TSBP1: variants seen among roughly 807,000 people sequenced by gnomAD.
TSBP1 encodes testis-expressed basic protein 1.
A neutral mutation model predicts 68.8 loss-of-function variants in TSBP1; 56 were observed. The ratio of observed to expected loss-of-function variants is 0.81; its 90% CI spans 0.66 to 1.02. The LOEUF is 1.02. Among genes scored for constraint, TSBP1 ranks in the 50% least tolerant of loss-of-function variants. The pLI, the probability that TSBP1 is intolerant of heterozygous loss-of-function variation, is 0.00. For synonymous variants in TSBP1, 171 were observed against 208.7 expected, an observed-to-expected ratio of 0.82 and a Z score of 1.56; for missense variants, 502 against 641.2, an observed-to-expected ratio of 0.78 and a Z score of 2.34.
rs1554185882 is a variant in TSBP1 at position 32,301,962 on chromosome 6, C to CATAATAATAATAATA, written c.601+646_601+647insTATTATTATTATTAT. 1.4e-4 allele frequency among the ~76,000 whole-genome samples: 19 copies of CATAATAATAATAATA among 135,454 alleles called. 1 individual carries two copies. The highest frequency in any genetic ancestry group is 3.3e-4 in the African/African-American group (11 of 33,640). 88.9% of individuals were successfully genotyped at this position (135,454 alleles called of 152,430 possible). ...TTTTACATATTTAAATAGTTGAAAT[C>CATAATAATAATAATA]ATCATCATAATAATAATAATAATAA... On this transcript the variant is annotated intron_variant, in intron 20 of 22. Coordinates refer to ENST00000612031, the Ensembl canonical transcript of TSBP1.
chr6:32,326,924 G>A (rs1484935782), intron 16 of TSBP1, among the ~76,000 whole-genome samples: 2 of 152,148 alleles, frequency 1.3e-5, no homozygotes, highest in Non-Finnish European at 2.9e-5. Flanking sequence ...GGTTACTGCT[G>A]GAAATCCTGC....
intron 4 of TSBP1, 107 bp downstream of exon 4, chr6:32,367,818 G>T (rs1773935694): frequency 2.5e-6 from 2 of 799,530 alleles, no homozygotes; most frequent in South Asian, 1.9e-5. Context: ...TTATAAAAAC[G>T]AAAGATATGC....
intron 14 of TSBP1, among the ~76,000 whole-genome samples, chr6:32,334,665 G>A (rs1001353190): frequency 3.3e-5 from 5 of 152,166 alleles, no homozygotes; most frequent in Admixed American, 2.6e-4. Flanking sequence ...ATCACTCAAA[G>A]AATGTGACTA....
chr6:32,324,398 T>G, intron 16 of TSBP1: 1 of 631,818 alleles, frequency 1.6e-6, no homozygotes, highest in Non-Finnish European at 2.9e-6. Context: ...TTGTAAAATT[T>G]TTTTCTCTGC....
chr6:32,343,195 G>C lies in TSBP1; in HGVS notation c.350-3557C>G, dbSNP rs1391523863. Reference sequence around the variant, plus strand: ...GGGAGAAGTCCTCTGCCTAGCATAGGAGCCCAACAACACCAGAGTTTGAAA... The same window carrying C: ...GGGAGAAGTCCTCTGCCTAGCATAGCAGCCCAACAACACCAGAGTTTGAAA... On this transcript the variant is annotated intron_variant, in intron 9 of 22. Coordinates refer to ENST00000612031, the Ensembl canonical transcript of TSBP1. The surrounding 1 kb of genome is among the most constrained non-coding windows in gnomAD (Gnocchi z 4.3). 7.9e-7 allele frequency: 1 copy of C among 1,267,894 alleles called. No individual in the cohort carries two copies. Among genetic ancestry groups the C allele is most frequent in the Non-Finnish European group, 1.0e-6 (1 of 971,304 alleles). 78.5% of individuals were successfully genotyped at this position (1,267,894 alleles called of 1,614,324 possible).
chr6:32,320,822 T>A (rs180870147), intron 18 of TSBP1, among the ~76,000 whole-genome samples: 1 of 152,284 alleles, frequency 6.6e-6, no homozygotes, highest in Admixed American at 6.5e-5. Context: ...TTTTTCCTGA[T>A]CCTCTCCCGC....
intron 8 of TSBP1, among the ~76,000 whole-genome samples, chr6:32,354,337 T>C (rs1186226775): frequency 6.6e-6 from 1 of 152,014 alleles, no homozygotes; most frequent in Non-Finnish European, 1.5e-5. Flanking sequence ...AGATACTCAA[T>C]TTCAGGAGTG....
chr6:32,293,591 A>G (rs1764386693), exon 23 of TSBP1: 1 of 1,612,156 alleles, frequency 6.2e-7, no homozygotes, highest in Non-Finnish European at 8.5e-7. Context: ...CTGTCCTTTC[A>G]GTACAACCAA....
chr6:32,319,100 T>G (rs1358498504), intron 18 of TSBP1, among the ~76,000 whole-genome samples: 1 of 152,172 alleles, frequency 6.6e-6, no homozygotes, highest in Non-Finnish European at 1.5e-5. Flanking sequence ...TATGCAAAAC[T>G]GAACTCACAA....
Position 32,365,493 on chromosome 6 carries a change from T to A in TSBP1, c.217+674A>T, listed in dbSNP as rs760181162. On this transcript the variant is annotated intron_variant, in intron 6 of 22. Transcript: ENST00000612031. This position sits in a 1 kb window ranked among gnomAD's most constrained non-coding sequence, Gnocchi z 4.3. ...CAGGCTTTCTGATGAGGCTTTCTGA[T>A]GAGTGGGTTCTGCAGTCTCTTTTCC... 1 of 456,714 alleles carries A rather than the reference T, an allele frequency of 2.2e-6. No homozygotes were observed. Among genetic ancestry groups the A allele is most frequent in the Non-Finnish European group, 4.4e-6 (1 of 226,970 alleles). The allele number at this position is 456,714 out of a possible 1,614,324, so 28.3% of individuals were successfully genotyped here. A position where few individuals can be genotyped will look rare whatever the true frequency, so the allele number is the denominator to read the frequency against.
At chr6:32,310,749 A>ATG (rs1282031190) in intron 19 of TSBP1, among the ~76,000 whole-genome samples, 6 of 137,812 alleles carry the variant, frequency 4.4e-5, no homozygotes, top group African/African-American at 1.6e-4. Context: ...ATATACATAT[A>ATG]TATATATATA....
In TSBP1 at chr6:32,338,839, A is replaced by C. The variant is rs1769978494; in HGVS notation, c.409+140T>G. On this transcript the variant is annotated intron_variant, in intron 11 of 22. Transcript: ENST00000612031. The surrounding 1 kb of genome is among the most constrained non-coding windows in gnomAD (Gnocchi z 5.5). The stretch of plus-strand genomic sequence containing the variant: ...AGAGGCACCCCAGTTTATTAAGATA[A>C]GAATAGGGAATAAACAAGGGGAAAG... 1.4e-6 allele frequency: 1 copy of C among 712,002 alleles called. No individual in the cohort carries two copies. The highest frequency in any genetic ancestry group is 1.8e-5 in the South Asian group (1 of 56,078). 44.1% of individuals were successfully genotyped at this position (712,002 alleles called of 1,614,324 possible).
At chr6:32,345,357 A>G (rs1380450891) in intron 9 of TSBP1, among the ~76,000 whole-genome samples, 1 of 152,070 alleles carries the variant, frequency 6.6e-6, no homozygotes, top group Non-Finnish European at 1.5e-5. Context: ...AATAATAAAA[A>G]TCCACATCAG....
rs768432863 is a variant in TSBP1, at chr6:32,315,289, G to A, written c.580+483C>T. 1.3e-5 allele frequency among the ~76,000 whole-genome samples: 2 copies of A among 152,118 alleles called. No individual in the cohort carries two copies. Among genetic ancestry groups the A allele is most frequent in the Non-Finnish European group, 2.9e-5 (2 of 68,026 alleles). Reference sequence around the variant, plus strand: ...TAGAACTAAAATAATGGGGCTGGGCGTGGTGGTTCACACCTGTAAACCCAG... The same window carrying A: ...TAGAACTAAAATAATGGGGCTGGGCATGGTGGTTCACACCTGTAAACCCAG... On this transcript the variant is annotated intron_variant, in intron 19 of 22. Transcript: ENST00000612031. This position sits in a 1 kb window ranked among gnomAD's most constrained non-coding sequence, Gnocchi z 5.4.
chr6:32,338,843 T>C lies in TSBP1; in HGVS notation c.409+136A>G. 1 of 746,160 alleles carries C rather than the reference T, an allele frequency of 1.3e-6. No individual in the cohort carries two copies. The highest frequency in any genetic ancestry group is 1.6e-5 in the South Asian group (1 of 61,872). The allele number at this position is 746,160 out of a possible 1,614,324, so 46.2% of individuals were successfully genotyped here. A position where few individuals can be genotyped will look rare whatever the true frequency, so the allele number is the denominator to read the frequency against. On this transcript the variant is annotated intron_variant, in intron 11 of 22. Transcript: ENST00000612031. The surrounding 1 kb of genome is among the most constrained non-coding windows in gnomAD (Gnocchi z 5.5). ...GCACCCCAGTTTATTAAGATAAGAA[T>C]AGGGAATAAACAAGGGGAAAGGAAT... is the stretch of plus-strand genomic sequence containing the variant.
At position 32,343,386 on chromosome 6, in the gene TSBP1, C is replaced by G. The variant is rs148394151; in HGVS notation, c.350-3748G>C. 2 of 463,614 alleles carry G rather than the reference C, an allele frequency of 4.3e-6. No homozygotes were observed. Among genetic ancestry groups the G allele is most frequent in the African/African-American group, 4.0e-5 (2 of 49,394 alleles). 28.7% of individuals were successfully genotyped at this position (463,614 alleles called of 1,614,324 possible). The stretch of plus-strand genomic sequence containing the variant: ...CTTTCCATTCCCCTGTAGGTAGGCT[C>G]ATAAAGTGGCCACACTTGCAAGTGA... On this transcript the variant is annotated intron_variant, in intron 9 of 22. Coordinates refer to ENST00000612031, the Ensembl canonical transcript of TSBP1. This position sits in a 1 kb window ranked among gnomAD's most constrained non-coding sequence, Gnocchi z 4.3.
chr6:32,334,564 AC>A (rs1354882146), intron 14 of TSBP1, among the ~76,000 whole-genome samples: 1 of 152,170 alleles, frequency 6.6e-6, no homozygotes, highest in East Asian at 1.9e-4. Flanking sequence ...GGGGATAATA[AC>A]TGCCTTACTC....
At chr6:32,297,217 C>A (rs1764808634) in intron 22 of TSBP1, among the ~76,000 whole-genome samples, 1 of 152,170 alleles carries the variant, frequency 6.6e-6, no homozygotes, top group Non-Finnish European at 1.5e-5. Context: ...TCATCTAACA[C>A]ATACAGTGTA....
At chr6:32,298,456 G>A (rs1332311183) in intron 22 of TSBP1, among the ~76,000 whole-genome samples, 1 of 152,086 alleles carries the variant, frequency 6.6e-6, no homozygotes, top group African/African-American at 2.4e-5. Flanking sequence ...GCACATGCCT[G>A]TAATCCCAGC....
Sources: allele counts gnomAD v4.1 joint callset (sites outside exome capture counted in the v4.1 genomes callset), GRCh38; gene constraint gnomAD v4.1.1; non-coding constraint Gnocchi (gnomAD v3.1); transcripts MANE v1.5; gene names NCBI Gene and HGNC (gene_info 2026-07-23, HGNC 2026-07-21).